Variants in ARG2 observed in about 807,000 individuals in gnomAD.
ARG2 encodes arginase-2, mitochondrial.
ARG2 carries 21 observed loss-of-function variants against 39.4 expected under a neutral mutation model. That is an observed-to-expected ratio of 0.53 (90% CI 0.38 to 0.77). The LOEUF (loss-of-function observed/expected upper bound fraction) is 0.77, where lower values mean the gene tolerates loss of function less well. Ranked by LOEUF, ARG2 falls within the 30% of genes least tolerant of loss-of-function variation. The pLI is 0.00. For synonymous variants in ARG2, 150 were observed against 156.7 expected, an observed-to-expected ratio of 0.96 and a Z score of 0.32; for missense variants, 378 against 426.2, an observed-to-expected ratio of 0.89 and a Z score of 1.00.
intron 2 of ARG2, among the ~76,000 whole-genome samples, chr14:67,635,582 G>A (rs926438239): frequency 3.3e-5 from 5 of 152,182 alleles, no homozygotes; most frequent in Non-Finnish European, 5.9e-5. Context: ...GGCCGGGCAC[G>A]GCGGCTCACA....
At chr14:67,646,836 C>T in intron 5 of ARG2, 85 bp from the exon 6 acceptor site, 1 of 1,399,120 alleles carries the variant, frequency 7.1e-7, no homozygotes, top group South Asian at 1.2e-5. Flanking sequence ...CAGGTCACTA[C>T]AACAAACCCA....
intron 2 of ARG2, among the ~76,000 whole-genome samples, chr14:67,632,808 A>ATTTTTTTT (rs55642854): frequency 3.2e-5 from 2 of 62,358 alleles, no homozygotes; most frequent in Non-Finnish European, 5.6e-5. Context: ...AAGCCTCTTA[A>ATTTTTTTT]TTTTTTTTTT....
intron 2 of ARG2, among the ~76,000 whole-genome samples, chr14:67,636,468 G>A (rs1347284313): frequency 2.0e-5 from 3 of 152,230 alleles, no homozygotes; most frequent in Non-Finnish European, 4.4e-5. Context: ...GCACAGTGTG[G>A]TGTGTAGAGG....
chr14:67,650,758 G>T lies in ARG2; in HGVS notation c.903G>T (p.Leu301Phe). The change falls in exon 8 of 8, where the codon TTG (leucine) becomes TTT (phenylalanine). Residue 301 changes from leucine (L) to phenylalanine (F), a missense_variant. Transcript: ENST00000261783. Reference protein sequence around the residue: ...ALDLVEVNPQLATSEEEAKTT... With the variant: ...ALDLVEVNPQFATSEEEAKTT... Reference sequence around the variant, plus strand: ...ATCTTGTTGAAGTCAATCCTCAGTTGGCCACCTCAGAGGAAGAGGCGAAGA... The same window carrying T: ...ATCTTGTTGAAGTCAATCCTCAGTTTGCCACCTCAGAGGAAGAGGCGAAGA... The T allele has an allele frequency of 6.2e-7, 1 of 1,614,096 alleles. No individual in the cohort carries two copies. The highest frequency in any genetic ancestry group is 8.5e-7 in the Non-Finnish European group (1 of 1,180,004).
At chr14:67,641,284 A>G (rs1040953961) in intron 2 of ARG2, among the ~76,000 whole-genome samples, 1 of 152,292 alleles carries the variant, frequency 6.6e-6, no homozygotes, top group East Asian at 1.9e-4. Context: ...AAGATATCTC[A>G]ATATATATAT....
chr14:67,644,856 G>C (rs1393786731), intron 3 of ARG2, among the ~76,000 whole-genome samples: 2 of 152,090 alleles, frequency 1.3e-5, no homozygotes, highest in East Asian at 3.9e-4. Context: ...AAATTAGCCA[G>C]GCATGGTGGC....
intron 2 of ARG2, among the ~76,000 whole-genome samples, chr14:67,633,594 G>A (rs1037121747): frequency 1.3e-5 from 2 of 152,008 alleles, no homozygotes; most frequent in Admixed American, 1.3e-4. Flanking sequence ...TTAGCTTCCT[G>A]TGGCACTCTG....
chr14:67,645,533 G>A, intron 3 of ARG2, 110 bp from the exon 4 acceptor site: 2 of 1,238,700 alleles, frequency 1.6e-6, no homozygotes, highest in East Asian at 2.4e-5. Flanking sequence ...CTCCATCTAG[G>A]CCCTGGCTTT....
chr14:67,645,590 T>C lies in ARG2; in HGVS notation c.363-53T>C, dbSNP rs142854063. On this transcript the variant is annotated intron_variant, in intron 3 of 7. Transcript: ENST00000261783. ...TTGTTTTGGCTGAGGACGTTTGTTA[T>C]CGGTCATGTTTGCCAAGCAGAGGGC... The C allele has an allele frequency of 8.9e-4, 1,399 of 1,576,138 alleles. 22 individuals carry two copies. The African/African-American group carries it at 0.016, about 18-fold the overall frequency.
intron 2 of ARG2, among the ~76,000 whole-genome samples, chr14:67,622,867 G>T (rs1026146333): frequency 6.6e-6 from 1 of 152,200 alleles, no homozygotes; most frequent in Non-Finnish European, 1.5e-5. Context: ...ATCAGCTGAG[G>T]CTGCTGAATG....
chr14:67,632,907 G>A (rs1289518369), intron 2 of ARG2, among the ~76,000 whole-genome samples: 1 of 126,218 alleles, frequency 7.9e-6, no homozygotes, highest in African/African-American at 3.0e-5. Flanking sequence ...TGCAAGCTCC[G>A]CCTCCCGGGT....
intron 2 of ARG2, among the ~76,000 whole-genome samples, chr14:67,635,099 C>T (rs541087420): frequency 1.3e-5 from 2 of 152,146 alleles, no homozygotes; most frequent in African/African-American, 4.8e-5. Context: ...TATAAATTAG[C>T]CAGGTATGGT....
chr14:67,647,954 A>C (rs1471325620), intron 6 of ARG2, 93 bp from the exon 7 acceptor site: 1 of 1,264,224 alleles, frequency 7.9e-7, no homozygotes. Context: ...AATAGCAACA[A>C]AATCAAGGAG....
rs1246186902 is a variant in ARG2, at chr14:67,645,853, G to A, written c.522+51G>A. The A allele has an allele frequency of 5.6e-6, 9 of 1,597,462 alleles. No individual in the cohort carries two copies. The Middle Eastern group carries it at 6.7e-4, about 118-fold the overall frequency. ...GGTGAATGGCTTGCAGGGTTTTGCT[G>A]GAGTTGGTCTAGTTCAGTTAAGATT... On this transcript the variant is annotated intron_variant, in intron 4 of 7. Coordinates refer to ENST00000261783, the MANE Select transcript of ARG2 (RefSeq NM_001172.4).
intron 2 of ARG2, among the ~76,000 whole-genome samples, chr14:67,632,791 G>A (rs1029703569): frequency 2.0e-5 from 3 of 149,664 alleles, no homozygotes; most frequent in Non-Finnish European, 4.4e-5. Flanking sequence ...TTTCAACAGG[G>A]AGAATTAAGC....
chr14:67,629,979 T>C (rs2036902771), intron 2 of ARG2, among the ~76,000 whole-genome samples: 2 of 152,200 alleles, frequency 1.3e-5, no homozygotes, highest in Admixed American at 1.3e-4. Context: ...CCTAAATGCA[T>C]GATCTTCACC....
At chr14:67,624,655 C>T (rs115281688) in intron 2 of ARG2, among the ~76,000 whole-genome samples, 239 of 152,248 alleles carry the variant, frequency 1.6e-3, no homozygotes, top group African/African-American at 5.7e-3. Context: ...CCCCATGATC[C>T]AATCACCTCC....
At chr14:67,642,749 T>C (rs934056238) in intron 3 of ARG2, among the ~76,000 whole-genome samples, 1 of 150,182 alleles carries the variant, frequency 6.7e-6, no homozygotes, top group Non-Finnish European at 1.5e-5. Context: ...GCATTTCTGC[T>C]AATAGACCTG....
intron 3 of ARG2, among the ~76,000 whole-genome samples, chr14:67,643,660 A>C (rs1051333105): frequency 6.6e-6 from 1 of 152,116 alleles, no homozygotes; most frequent in South Asian, 2.1e-4. Context: ...CAGGTCTCTT[A>C]AAAATAAATA....
Sources: gnomAD v4.1 joint callset for allele counts (sites outside exome capture counted in the v4.1 genomes callset) on GRCh38, gnomAD v4.1.1 for gene constraint, MANE v1.5 for transcripts, NCBI Gene and HGNC (gene_info 2026-07-23, HGNC 2026-07-21) for gene names.